CSMD1: variants seen among roughly 807,000 people sequenced by gnomAD.
The protein encoded by CSMD1 is CUB and Sushi multiple domains 1.
A neutral mutation model predicts 417.5 loss-of-function variants in CSMD1; 213 were observed. The observed-to-expected ratio is 0.51, with a 90% CI of 0.46 to 0.57. The LOEUF (loss-of-function observed/expected upper bound fraction) is 0.57. CSMD1 is among the 20% of genes least tolerant of loss of function. The probability of loss-of-function intolerance (pLI) is 0.00; values close to 1 mark genes in which losing one functional copy is unlikely to be tolerated. For synonymous variants in CSMD1, 2,862 were observed against 1,736.8 expected, an observed-to-expected ratio of 1.65 and a Z score of -16.11; for missense variants, 6,923 against 4,529.7, an observed-to-expected ratio of 1.53 and a Z score of -15.17.
intron 1 of CSMD1, among the ~76,000 whole-genome samples, chr8:4,819,184 T>C (rs935702979): frequency 1.3e-5 from 2 of 152,202 alleles, no homozygotes; most frequent in African/African-American, 4.8e-5. Context: ...GGAACACACA[T>C]TCAATTTTTT....
intron 3 of CSMD1, among the ~76,000 whole-genome samples, chr8:4,393,753 A>G (rs950223738): frequency 6.6e-6 from 1 of 152,170 alleles, no homozygotes; most frequent in Non-Finnish European, 1.5e-5. Flanking sequence ...TCAGACATTC[A>G]TTGCCTTAAA....
chr8:4,082,869 G>C (rs752965105), intron 3 of CSMD1, among the ~76,000 whole-genome samples: 1 of 149,108 alleles, frequency 6.7e-6, no homozygotes, highest in Non-Finnish European at 1.5e-5. Context: ...GCGGTGTTTG[G>C]TTTTTTGTCC....
intron 10 of CSMD1, among the ~76,000 whole-genome samples, chr8:3,538,079 T>C (rs778784705): frequency 6.6e-6 from 1 of 152,236 alleles, no homozygotes; most frequent in Non-Finnish European, 1.5e-5. Context: ...CCCGATCCTA[T>C]GCACAGAGTT....
At chr8:4,928,426 G>A (rs150383817) in intron 1 of CSMD1, among the ~76,000 whole-genome samples, 6 of 152,192 alleles carry the variant, frequency 3.9e-5, no homozygotes, top group Non-Finnish European at 8.8e-5. Flanking sequence ...CTGATACATC[G>A]ATAACTACTA....
chr8:4,451,571 G>A (rs1264030701), intron 2 of CSMD1, among the ~76,000 whole-genome samples: 5 of 152,090 alleles, frequency 3.3e-5, no homozygotes, highest in African/African-American at 7.2e-5. Flanking sequence ...ATAGAGTGAA[G>A]ACAAAGAAAG....
intron 46 of CSMD1, among the ~76,000 whole-genome samples, chr8:3,097,627 C>G (rs949126031): frequency 6.6e-6 from 1 of 152,112 alleles, no homozygotes; most frequent in Non-Finnish European, 1.5e-5. Flanking sequence ...GGGATGATGA[C>G]AGATTTCATC....
chr8:4,179,967 T>G (rs10102691), intron 3 of CSMD1, among the ~76,000 whole-genome samples: 58,765 of 151,786 alleles, frequency 0.39, 11,775 homozygotes, highest in South Asian at 0.66. Flanking sequence ...GGAACACTTT[T>G]ACACTGTTAG....
intron 3 of CSMD1, among the ~76,000 whole-genome samples, chr8:4,312,423 G>GTATATATACACGCATATATATATA (rs1563435221): frequency 9.5e-6 from 1 of 105,128 alleles, no homozygotes; most frequent in African/African-American, 7.8e-5. Flanking sequence ...ATATATATGC[G>GTATATATACACGCATATATATATA]CGTATATATA....
chr8:4,381,577 A>C (rs777912206), intron 3 of CSMD1, among the ~76,000 whole-genome samples: 3 of 151,966 alleles, frequency 2.0e-5, no homozygotes, highest in Non-Finnish European at 4.4e-5. Flanking sequence ...TTCTGCCCAA[A>C]AGCAATGACC....
At chr8:4,091,572 C>T (rs1036019233) in intron 3 of CSMD1, among the ~76,000 whole-genome samples, 7 of 152,104 alleles carry the variant, frequency 4.6e-5, no homozygotes, top group African/African-American at 1.4e-4. Context: ...CCTTTCTATC[C>T]CTCAGTATTA....
chr8:3,553,386 G>A (rs772774410), intron 10 of CSMD1, among the ~76,000 whole-genome samples: 2 of 152,146 alleles, frequency 1.3e-5, no homozygotes, highest in Non-Finnish European at 2.9e-5. Flanking sequence ...TCATGAAACA[G>A]ACAGAGTGTG....
chr8:3,958,912 T>TACA (rs1450307483), intron 5 of CSMD1, among the ~76,000 whole-genome samples: 1 of 152,212 alleles, frequency 6.6e-6, no homozygotes, highest in Admixed American at 6.5e-5. Context: ...AATTCTAATA[T>TACA]ACAATCATTT....
chr8:4,889,512 A>G (rs1218376422), intron 1 of CSMD1, among the ~76,000 whole-genome samples: 1 of 152,066 alleles, frequency 6.6e-6, no homozygotes, highest in Non-Finnish European at 1.5e-5. Context: ...TGATATGTTT[A>G]TCATTACAGG....
chr8:3,982,358 T>C (rs1813948976), intron 5 of CSMD1, among the ~76,000 whole-genome samples: 1 of 151,902 alleles, frequency 6.6e-6, no homozygotes, highest in East Asian at 1.9e-4. Context: ...AAAATGAGGA[T>C]AATCCTTGTA....
intron 5 of CSMD1, among the ~76,000 whole-genome samples, chr8:3,851,649 G>T (rs187541602): frequency 2.0e-5 from 3 of 152,240 alleles, no homozygotes; most frequent in Admixed American, 2.0e-4. Context: ...AGCTTTAGGT[G>T]ATAGACAATA....
intron 1 of CSMD1, among the ~76,000 whole-genome samples, chr8:4,791,098 G>A (rs1214956814): frequency 2.7e-5 from 4 of 150,828 alleles, no homozygotes; most frequent in African/African-American, 5.0e-5. Context: ...GAGACGGTGA[G>A]AAGAGACGGG....
chr8:4,022,238 T>C (rs547036939), intron 4 of CSMD1, among the ~76,000 whole-genome samples: 2 of 149,858 alleles, frequency 1.3e-5, no homozygotes, highest in South Asian at 4.2e-4. Context: ...GTGCTGACTA[T>C]TTTGGTCTAT....
At chr8:4,558,315 G>C (rs191793661) in intron 2 of CSMD1, among the ~76,000 whole-genome samples, 2 of 152,052 alleles carry the variant, frequency 1.3e-5, no homozygotes, top group African/African-American at 2.4e-5. Flanking sequence ...TTAACCACTT[G>C]ATTCTTCACT....
At chr8:4,826,534 T>C (rs1219576036) in intron 1 of CSMD1, among the ~76,000 whole-genome samples, 1 of 152,170 alleles carries the variant, frequency 6.6e-6, no homozygotes, top group Admixed American at 6.5e-5. Flanking sequence ...AAAATTTTGT[T>C]ACGTGTCTAT....
Sources: gnomAD v4.1 joint callset for allele counts (sites outside exome capture counted in the v4.1 genomes callset) on GRCh38, gnomAD v4.1.1 for gene constraint, MANE v1.5 for transcripts, NCBI Gene and HGNC (gene_info 2026-07-23, HGNC 2026-07-21) for gene names.